Variants in MAP3K15 observed in about 807,000 individuals in gnomAD.
MAP3K15 encodes the protein mitogen-activated protein kinase kinase kinase 15.
A neutral mutation model predicts 99.5 loss-of-function variants in MAP3K15; 124 were observed. The ratio of observed to expected loss-of-function variants is 1.25; its 90% CI spans 1.08 to 1.45. The LOEUF (loss-of-function observed/expected upper bound fraction) is 1.45. Ranked by LOEUF, MAP3K15 falls within the 40% of genes most tolerant of loss-of-function variation. MAP3K15 has a pLI of 0.00. For synonymous variants in MAP3K15, 494 were observed against 439.6 expected (o/e 1.12, Z -1.55); for missense variants, 1,242 against 1,079.7 (o/e 1.15, Z -2.11).
At position 19,508,155 on chromosome X, in the gene MAP3K15, G is replaced by A. The variant is rs186282021; in HGVS notation, c.361+6746C>T. The stretch of plus-strand genomic sequence containing the variant: ...AGTGCTGGGATCACAGGCATGAGCC[G>A]CCACGCCCAGCCAGGATATTGGTTT... On this transcript the variant is annotated intron_variant, in intron 1 of 28. Transcript: ENST00000338883. 2.6e-3 allele frequency among the ~76,000 whole-genome samples: 285 copies of A among 108,634 alleles called. 1 individual carries two copies. The highest frequency in any genetic ancestry group is 8.9e-3 in the African/African-American group (266 of 29,768). The allele number at this position is 108,634 out of a possible 115,157, so 94.3% of individuals were successfully genotyped here. A position where few individuals can be genotyped will look rare whatever the true frequency, so the allele number is the denominator to read the frequency against.
chrX:19,504,437 C>G (rs2064461638), intron 1 of MAP3K15, among the ~76,000 whole-genome samples: 1 of 111,166 alleles, frequency 9.0e-6, no homozygotes, highest in African/African-American at 3.3e-5. Context: ...TGTGGAAGAA[C>G]ATATGGATGT....
intron 25 of MAP3K15, among the ~76,000 whole-genome samples, chrX:19,364,199 C>T (rs1198390164): frequency 8.9e-6 from 1 of 112,002 alleles, no homozygotes; most frequent in Non-Finnish European, 1.9e-5. Context: ...GCCCAGAGTC[C>T]ACAGGCTGGG....
chrX:19,429,020 G>C (rs758301671), intron 7 of MAP3K15, among the ~76,000 whole-genome samples: 65 of 110,911 alleles, frequency 5.9e-4, no homozygotes, highest in African/African-American at 1.8e-3. Context: ...GATTTGGAAA[G>C]GGAGCCCTCA....
intron 15 of MAP3K15, 28 bp from the exon 16 acceptor site, chrX:19,395,236 C>T (rs1170817880): frequency 5.0e-6 from 6 of 1,192,808 alleles, no homozygotes; most frequent in Non-Finnish European, 6.8e-6. Flanking sequence ...GCCAGGGTCA[C>T]CTGCCAAATC....
chrX:19,461,683 G>A (rs1233953759), intron 4 of MAP3K15, among the ~76,000 whole-genome samples: 1 of 111,137 alleles, frequency 9.0e-6, no homozygotes, highest in African/African-American at 3.3e-5. Flanking sequence ...CAGTAATACT[G>A]TCGTCCCATT....
At chrX:19,420,444 G>T (rs2063774058) in intron 9 of MAP3K15, among the ~76,000 whole-genome samples, 1 of 111,372 alleles carries the variant, frequency 9.0e-6, no homozygotes, top group South Asian at 3.7e-4. Context: ...TAGAAGAAAT[G>T]GATAAATTCC....
At chrX:19,455,513 A>ATTTTT (rs755405077) in intron 6 of MAP3K15, among the ~76,000 whole-genome samples, 3 of 65,754 alleles carry the variant, frequency 4.6e-5, no homozygotes, top group African/African-American at 2.9e-4. Flanking sequence ...TGCCTGGCTA[A>ATTTTT]TTTTTTTTTT....
intron 3 of MAP3K15, among the ~76,000 whole-genome samples, chrX:19,485,140 C>A (rs2064314253): frequency 1.8e-5 from 2 of 109,353 alleles, no homozygotes; most frequent in Non-Finnish European, 3.8e-5. Flanking sequence ...GAAACCATGT[C>A]TCTACTAAAA....
At chrX:19,471,819 T>A in intron 3 of MAP3K15, among the ~76,000 whole-genome samples, 1 of 111,561 alleles carries the variant, frequency 9.0e-6, no homozygotes, top group Non-Finnish European at 1.9e-5. Context: ...AAAAAAAAAG[T>A]CAGCCAAGAA....
chrX:19,505,273 A>G (rs1324796153), intron 1 of MAP3K15, among the ~76,000 whole-genome samples: 1 of 110,002 alleles, frequency 9.1e-6, no homozygotes, highest in Non-Finnish European at 1.9e-5. Flanking sequence ...GATTCGTGAC[A>G]TGAGATGACC....
chrX:19,489,773 T>C (rs1488193068), intron 1 of MAP3K15, among the ~76,000 whole-genome samples: 1 of 111,006 alleles, frequency 9.0e-6, no homozygotes. Context: ...CAGTGGCTCA[T>C]GCCTGTAGTC....
intron 1 of MAP3K15, among the ~76,000 whole-genome samples, chrX:19,499,265 C>A (rs749012675): frequency 1.8e-5 from 2 of 111,893 alleles, no homozygotes; most frequent in Non-Finnish European, 3.8e-5. Context: ...ACAATTGACA[C>A]GATTGGTAAT....
intron 6 of MAP3K15, among the ~76,000 whole-genome samples, chrX:19,437,671 G>GT (rs915580316): frequency 1.8e-5 from 2 of 111,388 alleles, no homozygotes; most frequent in African/African-American, 3.3e-5. Flanking sequence ...ATACATTTAG[G>GT]TTTTTTTTAT....
Position 19,370,986 on chromosome X carries a change from G to A in MAP3K15, c.3373C>T (p.Gln1125Ter). Reference protein sequence around the residue: ...AMDNIIRRAVQAAVTILIPEL... With the variant: ...AMDNIIRRAV ...GGGATGAGAATGGTGACCGCGGCCTGCACCGCTCGGCGGATGATGTTGTCC... is the reference window on the plus strand; with the variant it reads ...GGGATGAGAATGGTGACCGCGGCCTACACCGCTCGGCGGATGATGTTGTCC... The change falls in exon 24 of 29, where the codon CAG becomes TAG. Residue 1125 changes from glutamine to a stop codon, truncating the protein, a stop_gained. Transcript: ENST00000338883. LOFTEE classifies it high-confidence loss of function. 1 of 1,176,638 alleles carries A rather than the reference G, an allele frequency of 8.5e-7. No individual in the cohort carries two copies. Among genetic ancestry groups the A allele is most frequent in the African/African-American group, 1.8e-5 (1 of 54,876 alleles).
intron 18 of MAP3K15, among the ~76,000 whole-genome samples, chrX:19,391,452 C>T (rs2063526057): frequency 9.1e-6 from 1 of 109,394 alleles, no homozygotes; most frequent in Admixed American, 9.9e-5. Flanking sequence ...CTGAGGTGGG[C>T]GAATCACTTG....
intron 18 of MAP3K15, among the ~76,000 whole-genome samples, chrX:19,384,444 A>C (rs1287473095): frequency 9.1e-6 from 1 of 110,034 alleles, no homozygotes; most frequent in East Asian, 2.9e-4. Flanking sequence ...GGGTGACCAT[A>C]GTCAATACAT....
intron 6 of MAP3K15, among the ~76,000 whole-genome samples, chrX:19,447,281 G>A (rs1304510767): frequency 9.0e-6 from 1 of 111,443 alleles, no homozygotes; most frequent in Non-Finnish European, 1.9e-5. Context: ...CTAGTTAGGA[G>A]GAGAACTGGG....
At chrX:19,474,804 A>T (rs2064230882) in intron 3 of MAP3K15, among the ~76,000 whole-genome samples, 1 of 111,221 alleles carries the variant, frequency 9.0e-6, no homozygotes, top group African/African-American at 3.3e-5. Context: ...CTGCTGTTTG[A>T]TCTCATTATT....
In MAP3K15 at chrX:19,471,960, C is replaced by T. The variant is rs185986089; in HGVS notation, c.526-7554G>A. On this transcript the variant is annotated intron_variant, in intron 3 of 28. Transcript: ENST00000338883. ...TAAAGGGGCCGGGCGCGGTGGCTCA[C>T]GCCTGTAATCCCAGCACTTTGGGAG... Among the ~76,000 whole-genome samples, 547 of 111,742 alleles carry T rather than the reference C, an allele frequency of 4.9e-3. 1 individual carries two copies. The highest frequency in any genetic ancestry group is 7.7e-3 in the Non-Finnish European group (411 of 53,115).
Sources: gnomAD v4.1 joint callset for allele counts (sites outside exome capture counted in the v4.1 genomes callset) on GRCh38, gnomAD v4.1.1 for gene constraint, MANE v1.5 for transcripts, NCBI Gene and HGNC (gene_info 2026-07-23, HGNC 2026-07-21) for gene names.